The following GRXCR1 variants were observed in gnomAD, a reference collection of about 807,000 sequenced individuals.
GRXCR1 encodes the protein glutaredoxin and cysteine rich domain containing 1, also known as glutaredoxin domain-containing cysteine-rich protein 1.
A neutral mutation model predicts 27.3 loss-of-function variants in GRXCR1; 27 were observed. The observed-to-expected ratio is 0.99, with a 90% CI of 0.73 to 1.37. The LOEUF (loss-of-function observed/expected upper bound fraction) is 1.37, where lower values mean the gene tolerates loss of function less well. Among genes scored for constraint, GRXCR1 ranks in the 40% most tolerant of loss-of-function variants. GRXCR1 has a pLI of 0.00. For missense variants in GRXCR1, 379 were observed against 354.4 expected (o/e 1.07, Z -0.56); for synonymous variants, 122 against 131.1 (o/e 0.93, Z 0.47).
chr4:43,028,762 C>CT (rs1203967384), intron 3 of GRXCR1, among the ~76,000 whole-genome samples: 1 of 152,072 alleles, frequency 6.6e-6, no homozygotes, highest in African/African-American at 2.4e-5. Flanking sequence ...GCAGTGCATC[C>CT]TTTTTTTAAG....
At chr4:42,963,298 G>A (rs1748170382) in intron 2 of GRXCR1, among the ~76,000 whole-genome samples, 164 bp downstream of exon 2, 1 of 151,928 alleles carries the variant, frequency 6.6e-6, no homozygotes, top group Non-Finnish European at 1.5e-5. Flanking sequence ...CAGACAATGA[G>A]CTGCCACAGT....
intron 1 of GRXCR1, 151 bp downstream of exon 1, chr4:42,893,801 T>A (rs1005241548): frequency 1.1e-5 from 9 of 824,644 alleles, no homozygotes; most frequent in Non-Finnish European, 1.8e-5. Context: ...TCCTAACAGC[T>A]ATCAATTAAA....
At chr4:42,980,482 T>C (rs1748633450) in intron 2 of GRXCR1, among the ~76,000 whole-genome samples, 1 of 152,076 alleles carries the variant, frequency 6.6e-6, no homozygotes, top group Non-Finnish European at 1.5e-5. Context: ...TCTAATTTTA[T>C]ATCATTGTAG....
intron 1 of GRXCR1, among the ~76,000 whole-genome samples, chr4:42,903,291 G>A (rs1212454058): frequency 7.2e-6 from 1 of 138,082 alleles, no homozygotes; most frequent in African/African-American, 2.6e-5. Flanking sequence ...TAAAAAATTT[G>A]GGCCACAGCT....
At chr4:42,904,903 T>A (rs1051185722) in intron 1 of GRXCR1, among the ~76,000 whole-genome samples, 1 of 152,282 alleles carries the variant, frequency 6.6e-6, no homozygotes, top group Middle Eastern at 3.4e-3. Flanking sequence ...AGGTGGGACA[T>A]CTGACCCAAT....
chr4:42,975,920 G>T (rs1191634369), intron 2 of GRXCR1, among the ~76,000 whole-genome samples: 1 of 152,134 alleles, frequency 6.6e-6, no homozygotes, highest in African/African-American at 2.4e-5. Context: ...TAAAGAGAAA[G>T]AACTTTTGAA....
At chr4:43,019,708 G>A (rs1260732804) in intron 2 of GRXCR1, among the ~76,000 whole-genome samples, 2 of 152,108 alleles carry the variant, frequency 1.3e-5, no homozygotes, top group Non-Finnish European at 2.9e-5. Flanking sequence ...AAAAGCATCA[G>A]CTCTGGAGTG....
intron 1 of GRXCR1, among the ~76,000 whole-genome samples, chr4:42,915,668 T>C (rs543004314): frequency 1.3e-5 from 2 of 152,198 alleles, no homozygotes; most frequent in South Asian, 4.2e-4. Flanking sequence ...CATTTCTATA[T>C]ATCTAGTGAG....
intron 2 of GRXCR1, among the ~76,000 whole-genome samples, chr4:42,980,922 C>A (rs1748648327): frequency 6.7e-6 from 1 of 150,048 alleles, no homozygotes; most frequent in Non-Finnish European, 1.5e-5. Context: ...GAAGAGAGAC[C>A]TTTATTGGAG....
At position 43,025,963 on chromosome 4, in the gene GRXCR1, G is replaced by C. The variant is rs190330078; in HGVS notation, c.694-4398G>C. On this transcript the variant is annotated intron_variant, in intron 3 of 3. Transcript: ENST00000399770. ...TGCACTCCAGCCTGGGAAACAGAGC[G>C]AAACTCCGTCTCAAAAAAAAAAAAA... is the stretch of plus-strand genomic sequence containing the variant. 5.7e-3 allele frequency among the ~76,000 whole-genome samples: 754 copies of C among 131,486 alleles called. 9 individuals carry two copies. Among genetic ancestry groups the C allele is most frequent in the African/African-American group, 0.02 (714 of 34,942 alleles). The allele number at this position is 131,486 out of a possible 152,430, so 86.3% of individuals were successfully genotyped here. A position where few individuals can be genotyped will look rare whatever the true frequency, so the allele number is the denominator to read the frequency against.
At chr4:42,964,960 A>G (rs1442591537) in intron 2 of GRXCR1, among the ~76,000 whole-genome samples, 1 of 152,030 alleles carries the variant, frequency 6.6e-6, no homozygotes. Context: ...AATGTAAGAC[A>G]TTTCCCATTG....
At chr4:42,959,733 G>A (rs1351113507) in intron 1 of GRXCR1, among the ~76,000 whole-genome samples, 1 of 151,834 alleles carries the variant, frequency 6.6e-6, no homozygotes, top group Non-Finnish European at 1.5e-5. Context: ...CAGTAGATCT[G>A]GGGCGAGGCC....
intron 1 of GRXCR1, among the ~76,000 whole-genome samples, chr4:42,922,467 A>G (rs144937434): frequency 4.5e-4 from 68 of 152,250 alleles, no homozygotes; most frequent in African/African-American, 1.6e-3. Context: ...TGGGCTCACG[A>G]AGAAGCCCAT....
intron 3 of GRXCR1, among the ~76,000 whole-genome samples, chr4:43,022,742 A>T (rs1019247802): frequency 2.0e-5 from 3 of 152,186 alleles, no homozygotes; most frequent in Non-Finnish European, 4.4e-5. Flanking sequence ...AGGATAAGGG[A>T]TACAAAATAC....
At chr4:42,928,049 C>T (rs1362497044) in intron 1 of GRXCR1, among the ~76,000 whole-genome samples, 2 of 151,936 alleles carry the variant, frequency 1.3e-5, no homozygotes, top group Admixed American at 1.3e-4. Flanking sequence ...ATTTATCCTC[C>T]AGTACTTATC....
chr4:42,997,360 C>T (rs1712202757), intron 2 of GRXCR1, among the ~76,000 whole-genome samples: 2 of 152,082 alleles, frequency 1.3e-5, no homozygotes, highest in African/African-American at 2.4e-5. Context: ...TTTACATAGG[C>T]AGTGTCCTGG....
At chr4:42,896,387 G>A (rs1392451575) in intron 1 of GRXCR1, among the ~76,000 whole-genome samples, 3 of 151,956 alleles carry the variant, frequency 2.0e-5, no homozygotes, top group Admixed American at 2.0e-4. Flanking sequence ...TTGATGATGT[G>A]CAAAATTAAT....
intron 1 of GRXCR1, among the ~76,000 whole-genome samples, chr4:42,936,834 A>C (rs1419451941): frequency 1.3e-5 from 2 of 151,940 alleles, no homozygotes; most frequent in Non-Finnish European, 1.5e-5. Context: ...AGATAACAGA[A>C]GTAATGCTTC....
At chr4:42,995,961 C>T (rs1055589780) in intron 2 of GRXCR1, among the ~76,000 whole-genome samples, 1 of 152,158 alleles carries the variant, frequency 6.6e-6, no homozygotes, top group African/African-American at 2.4e-5. Flanking sequence ...ACTATGGGTC[C>T]TACAGGAGAA....
Sources: gnomAD v4.1 joint callset for allele counts (sites outside exome capture counted in the v4.1 genomes callset) on GRCh38, gnomAD v4.1.1 for gene constraint, MANE v1.5 for transcripts, NCBI Gene and HGNC (gene_info 2026-07-23, HGNC 2026-07-21) for gene names.